Variants in KIAA1217 observed in about 807,000 individuals in gnomAD.
The protein encoded by KIAA1217 is sickle tail protein homolog.
Under a neutral mutation model 163.9 loss-of-function variants are expected in KIAA1217, and 88 were observed. The observed-to-expected ratio is 0.54, with a 90% CI of 0.45 to 0.64. The LOEUF (loss-of-function observed/expected upper bound fraction) is 0.64. Among genes scored for constraint, KIAA1217 ranks in the 30% least tolerant of loss-of-function variants. The probability of loss-of-function intolerance (pLI) is 0.00; values close to 1 mark genes in which losing one functional copy is unlikely to be tolerated. For synonymous variants in KIAA1217, 903 were observed against 923.1 expected (o/e 0.98, Z 0.39); for missense variants, 2,372 against 2,475.0 (o/e 0.96, Z 0.88).
intron 1 of KIAA1217, among the ~76,000 whole-genome samples, chr10:23,935,699 G>T (rs552894834): frequency 3.3e-5 from 5 of 152,286 alleles, no homozygotes; most frequent in Admixed American, 1.3e-4. Flanking sequence ...TTATAATAAA[G>T]TTCCTGTATA....
intron 2 of KIAA1217, among the ~76,000 whole-genome samples, chr10:24,037,855 C>CT (rs1379921115): frequency 1.3e-5 from 2 of 152,126 alleles, no homozygotes; most frequent in Non-Finnish European, 2.9e-5. Context: ...CTTCTCTTTC[C>CT]TTTTTTGCTT....
In KIAA1217 at chr10:24,533,143, C is replaced by T. The variant is rs370754212; in HGVS notation, c.3320C>T (p.Ala1107Val). The T allele has an allele frequency of 9.9e-6, 16 of 1,613,864 alleles. No homozygotes were observed. Among genetic ancestry groups the T allele is most frequent in the Non-Finnish European group, 1.2e-5 (14 of 1,179,960 alleles). The part of the protein sequence containing the change: ...TKYPAEEPAS[A>V]WTPSPPPVTT... ...TATCCAGCAGAGGAGCCTGCTTCAG[C>T]CTGGACCCCATCCCCACCGCCTGTC... Residue 1107 changes from alanine to valine, a missense_variant, in exon 16 of 21, where the codon GCC becomes GTC. Ala to Val is a moderately conservative substitution (Grantham distance 64, BLOSUM62 0). Transcript: ENST00000376454.
At chr10:24,353,012 AG>A (rs1460737757) in intron 2 of KIAA1217, among the ~76,000 whole-genome samples, 1 of 152,002 alleles carries the variant, frequency 6.6e-6, no homozygotes, top group East Asian at 1.9e-4. Context: ...CGAGAACGCT[AG>A]AATGACCCCA....
chr10:23,789,246 T>C (rs1012122683), intron 1 of KIAA1217, among the ~76,000 whole-genome samples: 1 of 152,332 alleles, frequency 6.6e-6, no homozygotes, highest in African/African-American at 2.4e-5. Context: ...TTTTTAATCT[T>C]TGGTGATTCA....
chr10:24,211,265 T>C (rs2068037699), intron 1 of KIAA1217, among the ~76,000 whole-genome samples: 1 of 150,698 alleles, frequency 6.6e-6, no homozygotes, highest in Admixed American at 6.7e-5. Context: ...GATTGAGAGG[T>C]AATCCCAGGC....
chr10:24,418,498 C>G (rs952353085), intron 3 of KIAA1217, among the ~76,000 whole-genome samples: 1 of 152,120 alleles, frequency 6.6e-6, no homozygotes, highest in East Asian at 1.9e-4. Context: ...TAAATCTACA[C>G]GCAAATTACA....
intron 1 of KIAA1217, among the ~76,000 whole-genome samples, chr10:23,894,586 A>T (rs1334301391): frequency 6.6e-6 from 1 of 150,428 alleles, no homozygotes; most frequent in East Asian, 1.9e-4. Flanking sequence ...GATAGATTCA[A>T]TGCCATCCCC....
intron 1 of KIAA1217, among the ~76,000 whole-genome samples, chr10:23,807,061 C>T (rs1365442986): frequency 1.3e-5 from 2 of 152,198 alleles, no homozygotes; most frequent in Admixed American, 6.5e-5. Context: ...GCAAATGTTG[C>T]CTTAGAGCAG....
chr10:23,849,888 C>G (rs768274648), intron 1 of KIAA1217, among the ~76,000 whole-genome samples: 13 of 151,944 alleles, frequency 8.6e-5, no homozygotes, highest in Non-Finnish European at 1.3e-4. Flanking sequence ...AGTTTTCTGC[C>G]AATTTCCAGG....
At chr10:24,483,990 C>T (rs11593651) in intron 6 of KIAA1217, among the ~76,000 whole-genome samples, 28,231 of 151,522 alleles carry the variant, frequency 0.19, 2,873 homozygotes, top group South Asian at 0.36. Context: ...GCCCTGGATC[C>T]GAGAAAGCCT....
intron 5 of KIAA1217, among the ~76,000 whole-genome samples, chr10:24,442,734 G>T (rs944733136): frequency 1.3e-5 from 2 of 151,994 alleles, no homozygotes; most frequent in African/African-American, 2.4e-5. Flanking sequence ...GTAAAACATT[G>T]AGTTACCAAT....
intron 2 of KIAA1217, among the ~76,000 whole-genome samples, chr10:24,288,126 C>G (rs928110270): frequency 1.3e-5 from 2 of 152,098 alleles, no homozygotes; most frequent in African/African-American, 4.8e-5. Context: ...TACTCAGAAG[C>G]CTACTCCCTA....
chr10:24,347,284 T>C (rs2047910179), intron 2 of KIAA1217, among the ~76,000 whole-genome samples: 1 of 152,196 alleles, frequency 6.6e-6, no homozygotes, highest in Non-Finnish European at 1.5e-5. Context: ...GTTTATATTC[T>C]GAAGGATGCA....
intron 2 of KIAA1217, among the ~76,000 whole-genome samples, chr10:24,375,764 T>C (rs1426191433): frequency 2.0e-5 from 3 of 152,230 alleles, no homozygotes; most frequent in Non-Finnish European, 4.4e-5. Flanking sequence ...AAGTAAAACT[T>C]CATCACGGCA....
chr10:23,834,314 G>A (rs563639763), intron 1 of KIAA1217, among the ~76,000 whole-genome samples: 3 of 152,126 alleles, frequency 2.0e-5, no homozygotes, highest in Non-Finnish European at 2.9e-5. Flanking sequence ...TTTCCTCCAT[G>A]TATGCATGCA....
At chr10:23,828,708 A>C (rs1400128834) in intron 1 of KIAA1217, among the ~76,000 whole-genome samples, 1 of 152,154 alleles carries the variant, frequency 6.6e-6, no homozygotes, top group African/African-American at 2.4e-5. Flanking sequence ...CCAACCCTCT[A>C]AGATATGCTG....
intron 1 of KIAA1217, among the ~76,000 whole-genome samples, chr10:23,788,778 G>A (rs185246184): frequency 6.6e-6 from 1 of 152,276 alleles, no homozygotes; most frequent in East Asian, 1.9e-4. Context: ...CAGGCACGGG[G>A]AGAAGCCAAC....
intron 2 of KIAA1217, among the ~76,000 whole-genome samples, chr10:24,343,105 A>ATT (rs1247463972): frequency 3.9e-5 from 6 of 152,154 alleles, no homozygotes; most frequent in African/African-American, 1.2e-4. Flanking sequence ...CCAATTTCTT[A>ATT]CGAAGGCAAA....
At chr10:24,441,311 A>C (rs1037223563) in intron 5 of KIAA1217, among the ~76,000 whole-genome samples, 28 of 152,192 alleles carry the variant, frequency 1.8e-4, no homozygotes, top group Non-Finnish European at 4.0e-4. Context: ...ATAAACATGC[A>C]TGTCATGAAA....
Sources: allele counts gnomAD v4.1 joint callset (sites outside exome capture counted in the v4.1 genomes callset), GRCh38; gene constraint gnomAD v4.1.1; transcripts MANE v1.5; gene names NCBI Gene and HGNC (gene_info 2026-07-23, HGNC 2026-07-21).